Variants in PLCL1 observed in about 807,000 individuals in gnomAD.
PLCL1 encodes the protein phospholipase C like 1 (inactive), also known as inactive phospholipase C-like protein 1.
In PLCL1, 41 loss-of-function variants were observed where a neutral mutation model predicts 84.4. That is an observed-to-expected ratio of 0.49 (90% CI 0.38 to 0.63). PLCL1 has a LOEUF of 0.63. Among genes scored for constraint, PLCL1 ranks in the 30% least tolerant of loss-of-function variants. The pLI is 0.00. For missense variants in PLCL1, 1,206 were observed against 1,367.8 expected (o/e 0.88, Z 1.87); for synonymous variants, 490 against 488.3 (o/e 1.00, Z -0.05).
intron 5 of PLCL1, among the ~76,000 whole-genome samples, chr2:198,105,299 T>C (rs1693446957): frequency 6.6e-6 from 1 of 151,936 alleles, no homozygotes; most frequent in African/African-American, 2.4e-5. Context: ...TTGTTGTTGT[T>C]GACTTTATTG....
At chr2:197,891,472 T>C (rs1341236187) in intron 1 of PLCL1, among the ~76,000 whole-genome samples, 2 of 152,242 alleles carry the variant, frequency 1.3e-5, no homozygotes, top group East Asian at 1.9e-4. Context: ...TCTTGACACT[T>C]TGAGAAACAG....
At chr2:198,076,327 A>G (rs1037406437) in intron 1 of PLCL1, among the ~76,000 whole-genome samples, 6 of 152,176 alleles carry the variant, frequency 3.9e-5, no homozygotes, top group African/African-American at 1.2e-4. Context: ...ACCACAGCGT[A>G]TATATCAGTG....
chr2:198,060,424 G>C (rs1055043653), intron 1 of PLCL1, among the ~76,000 whole-genome samples: 3 of 152,188 alleles, frequency 2.0e-5, no homozygotes, highest in African/African-American at 7.2e-5. Flanking sequence ...GGTGTGGAGA[G>C]TGCTGAATGT....
chr2:198,001,987 T>A, intron 1 of PLCL1: 2 of 440,178 alleles, frequency 4.5e-6, no homozygotes, highest in Non-Finnish European at 9.2e-6. Context: ...CAGCTCAGAG[T>A]TTCCACTGAT....
In PLCL1 at chr2:197,853,008, C is replaced by T. The variant is rs116694718; in HGVS notation, c.240+47669C>T. On this transcript the variant is annotated intron_variant, in intron 1 of 5. Transcript: ENST00000428675. Reference sequence around the variant, plus strand: ...CAATTGAAATTCTATAGCCATGAAACATAAACTCCCCATTTTCTCCTTTCT... The same window carrying T: ...CAATTGAAATTCTATAGCCATGAAATATAAACTCCCCATTTTCTCCTTTCT... 6.8e-3 allele frequency among the ~76,000 whole-genome samples: 1,030 copies of T among 152,268 alleles called. 11 individuals are homozygous for T. The highest frequency in any genetic ancestry group is 0.024 in the African/African-American group (988 of 41,548).
chr2:197,898,885 A>G (rs961979458), intron 1 of PLCL1, among the ~76,000 whole-genome samples: 1 of 151,870 alleles, frequency 6.6e-6, no homozygotes, highest in Non-Finnish European at 1.5e-5. Context: ...TACACTGCAT[A>G]CTGCACTGTA....
intron 1 of PLCL1, among the ~76,000 whole-genome samples, chr2:197,990,734 A>G (rs1690330116): frequency 6.6e-6 from 1 of 152,198 alleles, no homozygotes; most frequent in Admixed American, 6.5e-5. Flanking sequence ...GTGGGGACAC[A>G]GCCAAACCAT....
chr2:197,825,835 G>A (rs1392601887), intron 1 of PLCL1, among the ~76,000 whole-genome samples: 2 of 152,204 alleles, frequency 1.3e-5, no homozygotes. Flanking sequence ...GAATTTTAAT[G>A]CCTATCCCAC....
chr2:198,031,461 A>G (rs1191738406), intron 1 of PLCL1, among the ~76,000 whole-genome samples: 1 of 151,866 alleles, frequency 6.6e-6, no homozygotes, highest in Non-Finnish European at 1.5e-5. Context: ...GTGAGATTTT[A>G]TATTTATCAA....
intron 1 of PLCL1, among the ~76,000 whole-genome samples, chr2:197,841,106 AC>A (rs1686991758): frequency 6.6e-6 from 1 of 152,146 alleles, no homozygotes; most frequent in South Asian, 2.1e-4. Context: ...TATCCAACCC[AC>A]CGCAGTTTCC....
At position 198,001,745 on chromosome 2, in the gene PLCL1, C is replaced by T. The variant is rs183210869; in HGVS notation, c.241-82013C>T. Reference sequence around the variant, plus strand: ...CAGCAGGAGGTGAGTGGTGGGCAAGCGAGCTAAGCTTCATCTGTATTTACA... The same window carrying T: ...CAGCAGGAGGTGAGTGGTGGGCAAGTGAGCTAAGCTTCATCTGTATTTACA... On this transcript the variant is annotated intron_variant, in intron 1 of 5. Coordinates refer to ENST00000428675, the MANE Select transcript of PLCL1 (RefSeq NM_006226.4). Among the ~76,000 whole-genome samples the T allele has an allele frequency of 1.9e-3, 282 of 152,208 alleles. 1 individual carries two copies. Among genetic ancestry groups the T allele is most frequent in the African/African-American group, 5.9e-3 (246 of 41,510 alleles).
chr2:197,880,452 T>A (rs72922406), intron 1 of PLCL1, among the ~76,000 whole-genome samples: 81 of 152,302 alleles, frequency 5.3e-4, no homozygotes, highest in Non-Finnish European at 9.7e-4. Context: ...AATGAGATGA[T>A]CTGAAAGAGT....
intron 1 of PLCL1, among the ~76,000 whole-genome samples, chr2:197,851,664 G>C (rs1687240961): frequency 6.6e-6 from 1 of 152,218 alleles, no homozygotes; most frequent in African/African-American, 2.4e-5. Context: ...GGGGAGAAAA[G>C]ACATTGGCTC....
At chr2:198,064,819 T>G (rs1183476217) in intron 1 of PLCL1, among the ~76,000 whole-genome samples, 1 of 152,190 alleles carries the variant, frequency 6.6e-6, no homozygotes, top group Non-Finnish European at 1.5e-5. Context: ...AATGAAAGTC[T>G]TTATGTTTTG....
intron 5 of PLCL1, among the ~76,000 whole-genome samples, chr2:198,113,008 ATAT>A (rs1693657654): frequency 6.6e-6 from 1 of 151,948 alleles, no homozygotes; most frequent in African/African-American, 2.4e-5. Context: ...ACAAAAGAAA[ATAT>A]TATTAAGCCT....
intron 4 of PLCL1, among the ~76,000 whole-genome samples, chr2:198,103,580 G>A (rs1693397085): frequency 6.6e-6 from 1 of 151,708 alleles, no homozygotes; most frequent in Non-Finnish European, 1.5e-5. Flanking sequence ...TCCTTCTCAT[G>A]TCATTTTCTA....
intron 5 of PLCL1, 58 bp from the exon 6 acceptor site, chr2:198,146,722 T>C (rs965384636): frequency 1.4e-6 from 2 of 1,427,432 alleles, no homozygotes; most frequent in Non-Finnish European, 9.6e-7. Flanking sequence ...GTGATGTCAC[T>C]CAGCACATGC....
intron 5 of PLCL1, among the ~76,000 whole-genome samples, chr2:198,135,656 A>C (rs1330278138): frequency 2.6e-5 from 4 of 152,144 alleles, no homozygotes; most frequent in East Asian, 3.9e-4. Context: ...ATTTTCTGTA[A>C]GTGGATTAGG....
rs180879732 is a variant in PLCL1, at chr2:197,861,155, C to T, written c.240+55816C>T. Among the ~76,000 whole-genome samples the T allele has an allele frequency of 8.2e-4, 125 of 152,256 alleles. 1 individual carries two copies. The highest frequency in any genetic ancestry group is 1.2e-4 in the Non-Finnish European group (8 of 68,014). The stretch of plus-strand genomic sequence containing the variant: ...GATGGGGGCTGATCACAAGAAAGAC[C>T]AAGGCATGATTATGTAGTTGGAACT... On this transcript the variant is annotated intron_variant, in intron 1 of 5. Coordinates refer to ENST00000428675, the MANE Select transcript of PLCL1 (RefSeq NM_006226.4).
Sources: gnomAD v4.1 joint callset for allele counts (sites outside exome capture counted in the v4.1 genomes callset) on GRCh38, gnomAD v4.1.1 for gene constraint, MANE v1.5 for transcripts, NCBI Gene and HGNC (gene_info 2026-07-23, HGNC 2026-07-21) for gene names.